ROR2: variants seen among roughly 807,000 people sequenced by gnomAD.
ROR2 encodes ROR family WNT receptor 2.
ROR2 carries 33 observed loss-of-function variants against 74.9 expected under a neutral mutation model. That is an observed-to-expected ratio of 0.44 (90% CI 0.33 to 0.59). The LOEUF is 0.59. ROR2 is among the 20% of genes least tolerant of loss of function. The pLI is 0.02. For synonymous variants in ROR2, 586 were observed against 558.7 expected (o/e 1.05, Z -0.69); for missense variants, 1,216 against 1,313.8 (o/e 0.93, Z 1.15).
intron 1 of ROR2, among the ~76,000 whole-genome samples, chr9:91,791,972 A>C (rs1826996488): frequency 6.6e-6 from 1 of 152,230 alleles, no homozygotes; most frequent in Non-Finnish European, 1.5e-5. Flanking sequence ...ATATACGAAA[A>C]CTAAACAAAA....
chr9:91,945,015 A>T (rs1270795398), intron 1 of ROR2, among the ~76,000 whole-genome samples: 1 of 152,050 alleles, frequency 6.6e-6, no homozygotes, highest in East Asian at 1.9e-4. Flanking sequence ...GGTTAAGGCC[A>T]GAGGTAGTGA....
chr9:91,799,415 T>G (rs548833379), intron 1 of ROR2, among the ~76,000 whole-genome samples: 1 of 152,308 alleles, frequency 6.6e-6, no homozygotes, highest in Non-Finnish European at 1.5e-5. Flanking sequence ...CCAGCCCACC[T>G]TACATTCTCC....
intron 1 of ROR2, among the ~76,000 whole-genome samples, chr9:91,906,383 G>A (rs534945032): frequency 3.3e-4 from 51 of 152,314 alleles, no homozygotes; most frequent in African/African-American, 1.1e-3. Flanking sequence ...TGAGGAAAAC[G>A]AAACCTTAAA....
chr9:91,743,681 C>T (rs140756726), intron 4 of ROR2, among the ~76,000 whole-genome samples: 4 of 152,258 alleles, frequency 2.6e-5, no homozygotes, highest in African/African-American at 4.8e-5. Context: ...AAAGGGGCAA[C>T]GTCCTCCTCA....
intron 1 of ROR2, among the ~76,000 whole-genome samples, chr9:91,914,563 G>A (rs12002650): frequency 0.017 from 2,592 of 152,242 alleles, 76 homozygotes; most frequent in African/African-American, 0.059. Context: ...CACCTTGTGG[G>A]CACAGTGGCC....
intron 1 of ROR2, among the ~76,000 whole-genome samples, chr9:91,931,082 C>T (rs557065280): frequency 2.6e-5 from 4 of 151,956 alleles, no homozygotes; most frequent in African/African-American, 9.7e-5. Flanking sequence ...AACTATGCTC[C>T]CCCAAATGTG....
rs747786117 is a variant in ROR2 at position 91,905,384 on chromosome 9, CCA to C, written c.97+44481_97+44482del. On this transcript the variant is annotated intron_variant, in intron 1 of 8. Coordinates refer to ENST00000375708, the MANE Select transcript of ROR2 (RefSeq NM_004560.4). The surrounding 1 kb of genome is among the most constrained non-coding windows in gnomAD (Gnocchi z 5.3). The stretch of plus-strand genomic sequence containing the variant: ...ATACACACAAGACACACAACACATA[CCA>C]CACACACAGAGAGACAAAAACTATA... Among the ~76,000 whole-genome samples the C allele has an allele frequency of 5.9e-5, 9 of 151,654 alleles. No individual in the cohort carries two copies. The highest frequency in any genetic ancestry group is 2.1e-4 in the South Asian group (1 of 4,796).
At position 91,881,951 on chromosome 9, in the gene ROR2, T is replaced by C. The variant is rs534024739; in HGVS notation, c.97+67916A>G. Among the ~76,000 whole-genome samples the C allele has an allele frequency of 1.2e-4, 18 of 152,302 alleles. No individual in the cohort carries two copies. The South Asian group carries it at 1.9e-3, about 16-fold the overall frequency. On this transcript the variant is annotated intron_variant, in intron 1 of 8. Transcript: ENST00000375708. ...CCCTCAGGCTGGGCAGCAGTATGTG[T>C]CGGGCATCTATCTAGCTGGGCAAAT...
chr9:91,948,900 G>A, intron 1 of ROR2: 1 of 985,322 alleles, frequency 1.0e-6, no homozygotes, highest in East Asian at 1.1e-4. Context: ...GGCGGGAGGT[G>A]CTCCCGGAGT....
intron 1 of ROR2, among the ~76,000 whole-genome samples, chr9:91,914,644 C>G (rs1255777888): frequency 6.6e-6 from 1 of 152,152 alleles, no homozygotes; most frequent in East Asian, 1.9e-4. Context: ...CCCCAAAACT[C>G]CTCTGCCTGG....
chr9:91,828,144 A>G (rs1367975945), intron 1 of ROR2, among the ~76,000 whole-genome samples: 3 of 152,284 alleles, frequency 2.0e-5, no homozygotes, highest in Non-Finnish European at 4.4e-5. Flanking sequence ...CTTCCAGAGC[A>G]TAAATAAATT....
chr9:91,806,588 T>TTTGTTTG (rs1563972287), intron 1 of ROR2, among the ~76,000 whole-genome samples: 1 of 151,880 alleles, frequency 6.6e-6, no homozygotes, highest in African/African-American at 2.4e-5. Flanking sequence ...ATCATATTAG[T>TTTGTTTG]TTTGTTTGTT....
intron 1 of ROR2, among the ~76,000 whole-genome samples, chr9:91,840,412 G>A (rs554828126): frequency 2.6e-5 from 4 of 152,242 alleles, no homozygotes; most frequent in South Asian, 2.1e-4. Flanking sequence ...CCCTCCAGAC[G>A]GGCCCACCAT....
chr9:91,745,597 T>C lies in ROR2; in HGVS notation c.495-8079A>G, dbSNP rs543797525. On this transcript the variant is annotated intron_variant, in intron 4 of 8. Coordinates refer to ENST00000375708, the MANE Select transcript of ROR2 (RefSeq NM_004560.4). ...TGTGCCACCACACCTGGCTAATTTT[T>C]CTATTTTTAGTAGGGATGGGGTTTC... Among the ~76,000 whole-genome samples, 29 of 152,012 alleles carry C rather than the reference T, an allele frequency of 1.9e-4. No homozygotes were observed. The East Asian group carries it at 5.6e-3, about 29-fold the overall frequency.
At chr9:91,784,497 C>G (rs996077269) in intron 1 of ROR2, among the ~76,000 whole-genome samples, 1 of 152,176 alleles carries the variant, frequency 6.6e-6, no homozygotes, top group Non-Finnish European at 1.5e-5. Context: ...ACACTAAGTT[C>G]AAAGGCAGGC....
chr9:91,764,559 T>TACACACACACAC (rs11405599), intron 2 of ROR2, among the ~76,000 whole-genome samples: 2,101 of 147,662 alleles, frequency 0.014, 52 homozygotes, highest in African/African-American at 0.047. Flanking sequence ...TATAATCACT[T>TACACACACACAC]ACACACACAC....
intron 1 of ROR2, among the ~76,000 whole-genome samples, chr9:91,912,304 C>T (rs960756966): frequency 5.9e-5 from 9 of 152,094 alleles, no homozygotes; most frequent in East Asian, 3.8e-4. Context: ...CCTTTCTGTA[C>T]GCCTAAAATT....
chr9:91,788,455 G>C (rs1443783278), intron 1 of ROR2, among the ~76,000 whole-genome samples: 1 of 151,990 alleles, frequency 6.6e-6, no homozygotes, highest in Non-Finnish European at 1.5e-5. Flanking sequence ...AGGAGAAGCG[G>C]TTTATCTCAT....
chr9:91,862,263 G>T (rs575188928), intron 1 of ROR2, among the ~76,000 whole-genome samples: 2 of 152,202 alleles, frequency 1.3e-5, no homozygotes, highest in East Asian at 3.9e-4. Context: ...CCAGGAAGCG[G>T]AGCTTGCAGT....
Sources: gnomAD v4.1 joint callset for allele counts (sites outside exome capture counted in the v4.1 genomes callset) on GRCh38, gnomAD v4.1.1 for gene constraint, Gnocchi (gnomAD v3.1) non-coding constraint, MANE v1.5 for transcripts, NCBI Gene and HGNC (gene_info 2026-07-23, HGNC 2026-07-21) for gene names.